Variants in ME2 observed in about 807,000 individuals in gnomAD.
The protein encoded by ME2 is NAD-dependent malic enzyme, mitochondrial.
ME2 carries 60 observed loss-of-function variants against 73.7 expected under a neutral mutation model. The ratio of observed to expected loss-of-function variants is 0.81; its 90% CI spans 0.66 to 1.01. The LOEUF is 1.01. ME2 is among the 50% of genes least tolerant of loss of function. The probability of loss-of-function intolerance (pLI) is 0.00; values close to 1 mark genes in which losing one functional copy is unlikely to be tolerated. For synonymous variants in ME2, 199 were observed against 236.9 expected, an observed-to-expected ratio of 0.84 and a Z score of 1.47; for missense variants, 594 against 705.5, an observed-to-expected ratio of 0.84 and a Z score of 1.79.
chr18:50,881,934 C>T (rs1916333833), intron 1 of ME2, among the ~76,000 whole-genome samples: 1 of 152,142 alleles, frequency 6.6e-6, no homozygotes, highest in Non-Finnish European at 1.5e-5. Flanking sequence ...TGAGAAAATG[C>T]AAATTGGGGA....
chr18:50,903,701 G>A (rs1916943931), intron 2 of ME2, among the ~76,000 whole-genome samples: 1 of 152,102 alleles, frequency 6.6e-6, no homozygotes, highest in South Asian at 2.1e-4. Context: ...TATCCGTGCT[G>A]GCATCCCAAA....
chr18:50,917,612 A>G (rs767629348), intron 6 of ME2, 104 bp downstream of exon 6: 2 of 787,220 alleles, frequency 2.5e-6, no homozygotes, highest in African/African-American at 1.8e-5. Context: ...AAGTTTTATG[A>G]TTAGATTTTT....
At chr18:50,913,075 G>A (rs542765878) in intron 4 of ME2, 125 bp downstream of exon 4, 16 of 814,628 alleles carry the variant, frequency 2.0e-5, no homozygotes, top group African/African-American at 1.1e-4. Flanking sequence ...TCAGAAAAAC[G>A]TAATTTTGAT....
chr18:50,893,388 G>A (rs939337096), intron 1 of ME2, among the ~76,000 whole-genome samples: 4 of 152,118 alleles, frequency 2.6e-5, no homozygotes, highest in African/African-American at 7.2e-5. Context: ...AAAGGATGAG[G>A]ATAATGATGT....
intron 1 of ME2, among the ~76,000 whole-genome samples, chr18:50,892,076 C>T (rs1916617650): frequency 6.6e-6 from 1 of 152,066 alleles, no homozygotes; most frequent in East Asian, 1.9e-4. Context: ...CTGCCTCGGC[C>T]TCCCAAAGTG....
At chr18:50,920,634 T>G in intron 8 of ME2, 27 bp from the exon 9 acceptor site, 1 of 1,579,492 alleles carries the variant, frequency 6.3e-7, no homozygotes, top group Non-Finnish European at 8.6e-7. Context: ...CATTTTTTAT[T>G]TGTAAAAATC....
chr18:50,941,293 T>G (rs565075383), intron 15 of ME2, among the ~76,000 whole-genome samples: 3 of 134,570 alleles, frequency 2.2e-5, no homozygotes, highest in African/African-American at 5.5e-5. Context: ...AAGAAAGAAA[T>G]AACAGCGTAA....
At chr18:50,941,947 GTA>G (rs1917974258) in intron 15 of ME2, among the ~76,000 whole-genome samples, 1 of 151,766 alleles carries the variant, frequency 6.6e-6, no homozygotes, top group South Asian at 2.1e-4. Flanking sequence ...TATATTAAGT[GTA>G]TATATACTGT....
intron 4 of ME2, 111 bp downstream of exon 4, chr18:50,913,061 C>T (rs1917196364): frequency 1.0e-6 from 1 of 985,434 alleles, no homozygotes; most frequent in Non-Finnish European, 1.5e-6. Flanking sequence ...TCACATTTCC[C>T]ACCTCAGAAA....
chr18:50,908,262 G>T lies in ME2; in HGVS notation c.242+66G>T, dbSNP rs1599100910. On this transcript the variant is annotated intron_variant, in intron 3 of 15. Transcript: ENST00000321341. The stretch of plus-strand genomic sequence containing the variant: ...GATTAGAAAACTTATGAGCATTATG[G>T]TTATTATGGCATGAGAAATACACAA... 3.5e-6 allele frequency: 4 copies of T among 1,152,110 alleles called. No homozygotes were observed. The East Asian group carries it at 1.0e-4, about 30-fold the overall frequency. The allele number at this position is 1,152,110 out of a possible 1,614,324, so 71.4% of individuals were successfully genotyped here. A position where few individuals can be genotyped will look rare whatever the true frequency, so the allele number is the denominator to read the frequency against.
rs1014121545 is a variant in ME2 at position 50,939,921 on chromosome 18, G to A, written c.1488+281G>A. 1.2e-5 allele frequency: 5 copies of A among 423,272 alleles called. No homozygotes were observed. The Admixed American group carries it at 1.6e-4, about 13-fold the overall frequency. The allele number at this position is 423,272 out of a possible 1,614,324, so 26.2% of individuals were successfully genotyped here. On this transcript the variant is annotated intron_variant, in intron 14 of 15. Coordinates refer to ENST00000321341, the MANE Select transcript of ME2 (RefSeq NM_002396.5). ...TGACAGCATAGATAACTCCTTGCAT[G>A]TTTTTAATGGACAAGTACTGGTATT...
chr18:50,918,777 C>T (rs1917350917), intron 7 of ME2, among the ~76,000 whole-genome samples: 1 of 149,554 alleles, frequency 6.7e-6, no homozygotes. Context: ...TAGTCCTCTT[C>T]TCTTTCAGCC....
At chr18:50,945,418 C>A (rs558197894) in intron 15 of ME2, among the ~76,000 whole-genome samples, 3 of 152,190 alleles carry the variant, frequency 2.0e-5, no homozygotes, top group Non-Finnish European at 4.4e-5. Flanking sequence ...CCACGCCCAG[C>A]CAGCCCTTAG....
chr18:50,918,156 A>T lies in ME2; in HGVS notation c.677A>T (p.Asp226Val). 1 of 1,609,710 alleles carries T rather than the reference A, an allele frequency of 6.2e-7. No individual in the cohort carries two copies. Among genetic ancestry groups the T allele is most frequent in the South Asian group, 1.1e-5 (1 of 90,448 alleles). ...PFYMGLYQKRDRTQQYDDLID... is the reference protein window; with the variant it reads ...PFYMGLYQKRVRTQQYDDLID... Reference sequence around the variant, plus strand: ...TACATGGGCTTGTACCAGAAACGAGATCGCACACAACAGTATGATGACCTG... The same window carrying T: ...TACATGGGCTTGTACCAGAAACGAGTTCGCACACAACAGTATGATGACCTG... The change falls in exon 7 of 16, where the codon GAT (aspartate) becomes GTT (valine). Residue 226 changes from aspartate to valine, a missense_variant. By Grantham distance (152) the Asp-to-Val change is radical. Transcript: ENST00000321341.
intron 2 of ME2, among the ~76,000 whole-genome samples, chr18:50,900,859 T>C (rs1215244049): frequency 6.6e-6 from 1 of 152,162 alleles, no homozygotes; most frequent in Non-Finnish European, 1.5e-5. Context: ...TCTACCATAA[T>C]TGTAAGTTTC....
intron 14 of ME2, chr18:50,939,981 T>C: frequency 2.4e-6 from 1 of 422,240 alleles, no homozygotes; most frequent in Non-Finnish European, 4.2e-6. Flanking sequence ...CTCCAGACTT[T>C]GAAGTATTTC....
In ME2 at chr18:50,924,203, A is replaced by C; in HGVS notation, c.1162A>C (p.Thr388Pro). 1 of 1,603,012 alleles carries C rather than the reference A, an allele frequency of 6.2e-7. No individual in the cohort carries two copies. Among genetic ancestry groups the C allele is most frequent in the South Asian group, 1.1e-5 (1 of 89,148 alleles). Residue 388 changes from threonine (T) to proline (P), a missense_variant, in exon 11 of 16, where the codon ACT becomes CCT. By Grantham distance (38) the Thr-to-Pro change is conservative. Transcript: ENST00000321341. ...EDAVNILKPS[T>P]IIGVAGAGRL... ...TGCAGTGAATATACTGAAGCCTTCA[A>C]CTATAATTGGTAGGTAAAGTTTTTC...
At chr18:50,917,650 A>T (rs934221696) in intron 6 of ME2, 142 bp downstream of exon 6, 4 of 473,254 alleles carry the variant, frequency 8.5e-6, no homozygotes, top group Admixed American at 4.1e-5. Context: ...TTTAATATTT[A>T]TATAAATAAT....
intron 2 of ME2, 86 bp from the exon 3 acceptor site, chr18:50,907,977 T>C (rs1011363563): frequency 9.5e-6 from 10 of 1,050,652 alleles, no homozygotes; most frequent in Non-Finnish European, 1.2e-5. Context: ...ATTTTTCAAA[T>C]TTGCATTTAA....
Sources: allele counts gnomAD v4.1 joint callset (sites outside exome capture counted in the v4.1 genomes callset), GRCh38; gene constraint gnomAD v4.1.1; transcripts MANE v1.5; gene names NCBI Gene and HGNC (gene_info 2026-07-23, HGNC 2026-07-21).